LCORL: variants seen among roughly 807,000 people sequenced by gnomAD.
LCORL encodes ligand dependent nuclear receptor corepressor like.
In LCORL, 41 loss-of-function variants were observed where a neutral mutation model predicts 141.8. The observed-to-expected ratio is 0.29, with a 90% CI of 0.23 to 0.38. The LOEUF is 0.38. Among genes scored for constraint, LCORL ranks in the 10% least tolerant of loss-of-function variants. The pLI is 1.00. For synonymous variants in LCORL, 618 were observed against 694.1 expected (o/e 0.89, Z 1.72); for missense variants, 1,759 against 2,035.0 (o/e 0.86, Z 2.61).
chr4:17,891,409 C>T (rs1449349869), intron 5 of LCORL, among the ~76,000 whole-genome samples: 1 of 152,052 alleles, frequency 6.6e-6, no homozygotes, highest in African/African-American at 2.4e-5. Context: ...AATGTTTACA[C>T]TCTTCTAGGT....
chr4:18,001,410 G>C (rs1320094285), intron 1 of LCORL, among the ~76,000 whole-genome samples: 1 of 152,226 alleles, frequency 6.6e-6, no homozygotes, highest in Non-Finnish European at 1.5e-5. Context: ...AGGCAGTACA[G>C]AGCAGGTAGG....
exon 8 of LCORL, chr4:17,843,559 C>CTT (rs1722637092): frequency 1.0e-6 from 1 of 984,992 alleles, no homozygotes; most frequent in Non-Finnish European, 1.5e-6. Flanking sequence ...TTCCACGTTA[C>CTT]TTTGGCCTGT....
chr4:17,900,608 A>G (rs1001730723), intron 5 of LCORL, among the ~76,000 whole-genome samples: 1 of 148,658 alleles, frequency 6.7e-6, no homozygotes, highest in African/African-American at 2.6e-5. Flanking sequence ...AAAAGTAACA[A>G]TTAACTTCTG....
intron 4 of LCORL, among the ~76,000 whole-genome samples, chr4:17,950,446 T>C (rs1341118018): frequency 6.6e-6 from 1 of 152,200 alleles, no homozygotes; most frequent in East Asian, 1.9e-4. Context: ...TCAAGCATAT[T>C]GATGATGAAT....
chr4:17,867,247 T>G (rs1725786916), intron 7 of LCORL, among the ~76,000 whole-genome samples: 1 of 152,126 alleles, frequency 6.6e-6, no homozygotes, highest in Non-Finnish European at 1.5e-5. Context: ...TTAATATATT[T>G]TTTAAAAGCC....
intron 4 of LCORL, among the ~76,000 whole-genome samples, chr4:17,921,954 C>A (rs139441652): frequency 6.6e-6 from 1 of 151,756 alleles, no homozygotes; most frequent in Non-Finnish European, 1.5e-5. Flanking sequence ...GACTCTTGGA[C>A]CTACACCAGT....
At chr4:17,938,804 G>C (rs1737334158) in intron 4 of LCORL, among the ~76,000 whole-genome samples, 1 of 152,024 alleles carries the variant, frequency 6.6e-6, no homozygotes, top group Non-Finnish European at 1.5e-5. Flanking sequence ...AGTTGCTAAG[G>C]CTCTCTCAAT....
In LCORL at chr4:18,018,652, T is replaced by C. The variant is rs547215153; in HGVS notation, c.154+2946A>G. Among the ~76,000 whole-genome samples, 29 of 152,260 alleles carry C rather than the reference T, an allele frequency of 1.9e-4. No individual in the cohort carries two copies. In the South Asian group the frequency reaches 3.1e-3, roughly 16 times the overall value. ...TAAAATTAGAATATTATATGAGTTA[T>C]AAAATGAATCAGATTAGAGTTAGGC... On this transcript the variant is annotated intron_variant, in intron 1 of 7. Coordinates refer to ENST00000635767, the Ensembl canonical transcript of LCORL.
intron 7 of LCORL, among the ~76,000 whole-genome samples, chr4:17,870,915 A>C (rs1320273937): frequency 6.6e-6 from 1 of 152,184 alleles, no homozygotes; most frequent in Non-Finnish European, 1.5e-5. Flanking sequence ...TGGACAGTTC[A>C]TCTCAAAATG....
chr4:17,970,877 C>A (rs1483183454), intron 2 of LCORL, among the ~76,000 whole-genome samples: 2 of 152,178 alleles, frequency 1.3e-5, no homozygotes, highest in East Asian at 1.9e-4. Flanking sequence ...CATATGAGAA[C>A]CCAAATAAAA....
chr4:17,948,950 C>T (rs1357239389), intron 4 of LCORL, among the ~76,000 whole-genome samples: 2 of 151,922 alleles, frequency 1.3e-5, no homozygotes, highest in Non-Finnish European at 2.9e-5. Context: ...AGGGTCTAAG[C>T]AGCGTAAGGG....
chr4:17,996,183 A>C (rs370444883), intron 1 of LCORL, among the ~76,000 whole-genome samples: 124 of 152,214 alleles, frequency 8.1e-4, no homozygotes, highest in African/African-American at 2.8e-3. Flanking sequence ...CAACCAGGAT[A>C]TATCCATATT....
exon 4 of LCORL, chr4:17,961,998 G>A: frequency 1.2e-6 from 2 of 1,608,434 alleles, no homozygotes; most frequent in Non-Finnish European, 8.5e-7. Flanking sequence ...CTCTGTTGGT[G>A]TTGACTGTGA....
chr4:17,907,824 A>G (rs565635627), intron 5 of LCORL, among the ~76,000 whole-genome samples: 1 of 152,156 alleles, frequency 6.6e-6, no homozygotes, highest in South Asian at 2.1e-4. Flanking sequence ...AAGGTTGGAC[A>G]CCCATGCGAT....
chr4:17,979,430 C>G (rs778716808), intron 1 of LCORL, among the ~76,000 whole-genome samples: 1 of 152,192 alleles, frequency 6.6e-6, no homozygotes, highest in Non-Finnish European at 1.5e-5. Context: ...ACTTGTTAAT[C>G]TCAGCAATTT....
chr4:17,895,463 A>C (rs1729778060), intron 5 of LCORL, among the ~76,000 whole-genome samples: 1 of 152,122 alleles, frequency 6.6e-6, no homozygotes, highest in Non-Finnish European at 1.5e-5. Flanking sequence ...CTCCAGTTTC[A>C]TCCACGTTGT....
At chr4:17,916,157 G>C (rs995146763) in intron 4 of LCORL, among the ~76,000 whole-genome samples, 1 of 152,116 alleles carries the variant, frequency 6.6e-6, no homozygotes, top group African/African-American at 2.4e-5. Flanking sequence ...TTGCGTCCTT[G>C]ACCCTTCCCT....
chr4:17,945,766 T>C (rs1486444462), intron 4 of LCORL, among the ~76,000 whole-genome samples: 2 of 151,762 alleles, frequency 1.3e-5, no homozygotes, highest in African/African-American at 4.8e-5. Context: ...TTATATATAG[T>C]GGCTATGAAA....
At chr4:18,004,921 T>C (rs1453509500) in intron 1 of LCORL, among the ~76,000 whole-genome samples, 1 of 151,362 alleles carries the variant, frequency 6.6e-6, no homozygotes. Context: ...AGCAGGGCAG[T>C]CAAAGCTTTT....
Sources: allele counts gnomAD v4.1 joint callset (sites outside exome capture counted in the v4.1 genomes callset), GRCh38; gene constraint gnomAD v4.1.1; transcripts MANE v1.5; gene names NCBI Gene and HGNC (gene_info 2026-07-23, HGNC 2026-07-21).